The following ARHGAP32 variants were observed in gnomAD, a reference collection of about 807,000 sequenced individuals.
ARHGAP32 encodes Rho GTPase activating protein 32, also known as rho GTPase-activating protein 32.
ARHGAP32 carries 51 observed loss-of-function variants against 186.5 expected under a neutral mutation model. That is an observed-to-expected ratio of 0.27 (90% CI 0.22 to 0.35). ARHGAP32 has a LOEUF of 0.35. Ranked by LOEUF, ARHGAP32 falls within the 10% of genes least tolerant of loss-of-function variation. ARHGAP32 has a pLI of 1.00. For synonymous variants in ARHGAP32, 950 were observed against 964.3 expected (o/e 0.99, Z 0.27); for missense variants, 2,186 against 2,623.5 (o/e 0.83, Z 3.64).
chr11:129,186,295 G>A (rs1944160312), intron 1 of ARHGAP32, among the ~76,000 whole-genome samples: 1 of 152,130 alleles, frequency 6.6e-6, no homozygotes, highest in South Asian at 2.1e-4. Context: ...TACAAGAAAG[G>A]CCCACCTTGG....
intron 1 of ARHGAP32, among the ~76,000 whole-genome samples, chr11:129,250,813 A>G (rs1017474621): frequency 6.6e-6 from 1 of 152,240 alleles, no homozygotes; most frequent in African/African-American, 2.4e-5. Context: ...TTTAACTATT[A>G]TGACATTAAA....
intron 18 of ARHGAP32, 197 bp downstream of exon 18, chr11:128,980,356 T>C (rs1945672756): frequency 2.3e-6 from 1 of 441,228 alleles, no homozygotes; most frequent in Non-Finnish European, 3.9e-6. Flanking sequence ...TTACATGACA[T>C]TGTAAAGCAA....
chr11:129,207,383 C>T (rs1185313400), intron 1 of ARHGAP32, among the ~76,000 whole-genome samples: 1 of 152,208 alleles, frequency 6.6e-6, no homozygotes, highest in Non-Finnish European at 1.5e-5. Flanking sequence ...TATTTCTCCA[C>T]ATCCTCTCCA....
chr11:129,065,028 T>G (rs1024604841), intron 7 of ARHGAP32, 95 bp from the exon 8 acceptor site: 9 of 984,150 alleles, frequency 9.1e-6, no homozygotes, highest in Non-Finnish European at 1.2e-5. Context: ...AATCTATAGA[T>G]CTTTAGGCAT....
intron 1 of ARHGAP32, among the ~76,000 whole-genome samples, chr11:129,169,748 C>T (rs1238145922): frequency 1.3e-5 from 2 of 151,710 alleles, no homozygotes; most frequent in African/African-American, 4.8e-5. Context: ...TTCACCAAAC[C>T]TGAAACAATA....
intron 15 of ARHGAP32, 53 bp from the exon 16 acceptor site, chr11:128,981,989 G>T: frequency 1.8e-6 from 2 of 1,127,422 alleles, no homozygotes; most frequent in Non-Finnish European, 1.3e-6. Context: ...CAGCAGTATA[G>T]AACATAAAAG....
At chr11:129,098,487 C>T (rs1038113964) in intron 5 of ARHGAP32, among the ~76,000 whole-genome samples, 8 of 151,202 alleles carry the variant, frequency 5.3e-5, no homozygotes, top group East Asian at 3.9e-4. Flanking sequence ...GGCGCGATCT[C>T]GGCTCACTAC....
At chr11:129,226,957 G>A (rs560526922) in intron 1 of ARHGAP32, among the ~76,000 whole-genome samples, 1 of 152,114 alleles carries the variant, frequency 6.6e-6, no homozygotes, top group Admixed American at 6.5e-5. Context: ...TAACTACATA[G>A]GTAAGTATGA....
chr11:129,044,069 T>G (rs1320624579), intron 10 of ARHGAP32, among the ~76,000 whole-genome samples: 2 of 152,178 alleles, frequency 1.3e-5, no homozygotes, highest in African/African-American at 4.8e-5. Flanking sequence ...TTTCATCATG[T>G]TTTATATATA....
intron 2 of ARHGAP32, among the ~76,000 whole-genome samples, chr11:129,161,539 C>A (rs377346408): frequency 2.6e-5 from 4 of 151,934 alleles, no homozygotes; most frequent in African/African-American, 7.2e-5. Context: ...GGCCAACAAA[C>A]ATGAAAAAAG....
chr11:129,024,278 G>C (rs764508977), intron 11 of ARHGAP32: 38 of 452,286 alleles, frequency 8.4e-5, no homozygotes, highest in Non-Finnish European at 1.1e-4. Flanking sequence ...ACCCCACACA[G>C]GTGAGCACTT....
At chr11:128,997,648 A>T (rs1262053731) in intron 12 of ARHGAP32, among the ~76,000 whole-genome samples, 1 of 152,134 alleles carries the variant, frequency 6.6e-6, no homozygotes, top group African/African-American at 2.4e-5. Flanking sequence ...CCATCCCCCC[A>T]TCCAACAACT....
At chr11:129,012,648 T>C (rs1400037835) in intron 11 of ARHGAP32, among the ~76,000 whole-genome samples, 4 of 152,162 alleles carry the variant, frequency 2.6e-5, no homozygotes, top group Admixed American at 1.3e-4. Flanking sequence ...AGAATGGTTA[T>C]AACTGATCAT....
chr11:129,024,739 G>A (rs1044247375), intron 11 of ARHGAP32, among the ~76,000 whole-genome samples: 1 of 152,166 alleles, frequency 6.6e-6, no homozygotes, highest in Non-Finnish European at 1.5e-5. Flanking sequence ...TGTTAAATAT[G>A]TAACTCTCCT....
intron 2 of ARHGAP32, among the ~76,000 whole-genome samples, chr11:129,149,534 A>G (rs1201403189): frequency 6.6e-6 from 1 of 152,182 alleles, no homozygotes; most frequent in Admixed American, 6.5e-5. Flanking sequence ...CAGAAGAGAA[A>G]TAAGATTCAC....
intron 13 of ARHGAP32, among the ~76,000 whole-genome samples, chr11:128,987,655 T>G (rs1264194871): frequency 6.6e-6 from 1 of 152,144 alleles, no homozygotes; most frequent in Non-Finnish European, 1.5e-5. Flanking sequence ...AGAATCAGGG[T>G]CAAAGGAGAT....
chr11:129,127,769 TAAC>T (rs66728744), intron 2 of ARHGAP32, among the ~76,000 whole-genome samples: 28,284 of 112,314 alleles, frequency 0.25, 2,797 homozygotes, highest in Non-Finnish European at 0.27. Context: ...TTCATAAAAA[TAAC>T]AAGTTTTCCT....
rs190188070 is a variant in ARHGAP32 at position 129,236,839 on chromosome 11, G to A, written c.-5+42307C>T. ...CCTGTCTTGTTCCAGTTCTCAGAGG[G>A]AATGCTTTCAACATTTCCCCATTCA... On this transcript the variant is annotated intron_variant, in intron 1 of 6. Transcript: ENST00000525234. 3.3e-5 allele frequency among the ~76,000 whole-genome samples: 5 copies of A among 152,262 alleles called. No individual in the cohort carries two copies. In the East Asian group the frequency reaches 7.7e-4, roughly 24 times the overall value.
chr11:129,130,777 A>G (rs935122688), intron 2 of ARHGAP32, among the ~76,000 whole-genome samples: 2 of 152,182 alleles, frequency 1.3e-5, no homozygotes, highest in African/African-American at 2.4e-5. Context: ...GGGAAATTGT[A>G]TGATAATTAA....
Sources: allele counts gnomAD v4.1 joint callset (sites outside exome capture counted in the v4.1 genomes callset), GRCh38; gene constraint gnomAD v4.1.1; transcripts MANE v1.5; gene names NCBI Gene and HGNC (gene_info 2026-07-23, HGNC 2026-07-21).